The following CELF2 variants were observed in gnomAD, a reference collection of about 807,000 sequenced individuals.
CELF2 encodes the protein CUGBP Elav-like family member 2.
Under a neutral mutation model 62.6 loss-of-function variants are expected in CELF2, and 8 were observed. The observed-to-expected ratio is 0.13, with a 90% CI of 0.07 to 0.23. The LOEUF is 0.23. Among genes scored for constraint, CELF2 ranks in the 10% least tolerant of loss-of-function variants. CELF2 has a pLI of 1.00. For missense variants in CELF2, 333 were observed against 671.0 expected (o/e 0.50, Z 5.56); for synonymous variants, 258 against 250.0 (o/e 1.03, Z -0.30).
the CELF2 span, among the ~76,000 whole-genome samples, chr10:10,655,187 G>A: frequency 6.8e-6 from 1 of 147,088 alleles, no homozygotes; most frequent in East Asian, 1.9e-4. Flanking sequence ...TCTTCAAGGA[G>A]AACTACAAAC....
chr10:10,807,396 G>A (rs548337421), intron 1 of CELF2, among the ~76,000 whole-genome samples: 27 of 152,216 alleles, frequency 1.8e-4, no homozygotes, highest in African/African-American at 6.5e-4. Context: ...AATATGTCTG[G>A]TCATATCTGA....
chr10:10,933,408 CTG>C (rs1347106704), intron 2 of CELF2, among the ~76,000 whole-genome samples: 1 of 152,198 alleles, frequency 6.6e-6, no homozygotes, highest in African/African-American at 2.4e-5. Context: ...TTTAGCATAT[CTG>C]TCATCTCATA....
chr10:10,660,481 G>A, the CELF2 span, among the ~76,000 whole-genome samples: 1 of 152,146 alleles, frequency 6.6e-6, no homozygotes, highest in Admixed American at 6.5e-5. Context: ...ACTTTAGCAA[G>A]CTTTTCCTAG....
intron 1 of CELF2, among the ~76,000 whole-genome samples, chr10:11,084,165 C>T (rs2074785883): frequency 6.6e-6 from 1 of 152,160 alleles, no homozygotes; most frequent in African/African-American, 2.4e-5. Flanking sequence ...GGATGTAACC[C>T]CAAGAAGTAA....
the CELF2 span, among the ~76,000 whole-genome samples, chr10:10,552,587 C>T: frequency 1.6e-4 from 25 of 152,128 alleles, no homozygotes; most frequent in Non-Finnish European, 2.6e-4. Flanking sequence ...TTCATTCTGA[C>T]CTCAAGAGAA....
intron 9 of CELF2, among the ~76,000 whole-genome samples, chr10:11,307,649 A>G (rs1045464946): frequency 6.6e-6 from 1 of 152,196 alleles, no homozygotes; most frequent in South Asian, 2.1e-4. Flanking sequence ...AATGAAACAG[A>G]AGGTTGGGGA....
At chr10:11,133,558 C>T (rs968499655) in intron 1 of CELF2, among the ~76,000 whole-genome samples, 1 of 152,066 alleles carries the variant, frequency 6.6e-6, no homozygotes, top group Non-Finnish European at 1.5e-5. Flanking sequence ...TTACTAATGT[C>T]AGAACAAAAT....
chr10:10,791,669 T>C, the CELF2 span, among the ~76,000 whole-genome samples: 606 of 152,326 alleles, frequency 4.0e-3, 4 homozygotes, highest in African/African-American at 0.014. Context: ...TTTAAAAGTC[T>C]CTGTGAATTG....
the CELF2 span, among the ~76,000 whole-genome samples, chr10:10,709,098 A>G: frequency 6.6e-6 from 1 of 152,226 alleles, no homozygotes; most frequent in Non-Finnish European, 1.5e-5. Flanking sequence ...CCAAATGCCA[A>G]TTACAGGACA....
At chr10:10,571,206 C>G in the CELF2 span, among the ~76,000 whole-genome samples, 2 of 151,970 alleles carry the variant, frequency 1.3e-5, no homozygotes, top group Non-Finnish European at 2.9e-5. Flanking sequence ...AGCAAAATGA[C>G]AGAAAAGCAA....
intron 1 of CELF2, among the ~76,000 whole-genome samples, chr10:11,095,243 G>T (rs1327099257): frequency 6.6e-6 from 1 of 152,192 alleles, no homozygotes; most frequent in Non-Finnish European, 1.5e-5. Context: ...AGAGAAGCAT[G>T]CACATGTAAC....
rs189148617 is a variant in CELF2 at position 11,132,427 on chromosome 10, G to A, written c.75-33059G>A. Among the ~76,000 whole-genome samples, 279 of 152,302 alleles carry A rather than the reference G, an allele frequency of 1.8e-3. 2 individuals carry two copies. Among genetic ancestry groups the A allele is most frequent in the African/African-American group, 6.1e-3 (254 of 41,570 alleles). ...GAAATACGGACATATTTTCATCCCA[G>A]TGAAGGCTAAATTAGCTCAAGAGCA... On this transcript the variant is annotated intron_variant, in intron 1 of 12. Transcript: ENST00000633077.
At chr10:11,005,309 G>A (rs1316611746), upstream of CELF2, 20 of 1,609,934 alleles carry the variant, frequency 1.2e-5, no homozygotes, top group Admixed American at 6.7e-5. This position sits in a 1 kb window ranked among gnomAD's most constrained non-coding sequence, Gnocchi z 4.3. Context: ...GAGAGGGCGC[G>A]TTAGTGAGCA....
intron 3 of CELF2, among the ~76,000 whole-genome samples, chr10:11,232,273 A>G (rs1268084933): frequency 6.6e-6 from 1 of 151,874 alleles, no homozygotes; most frequent in African/African-American, 2.4e-5. Flanking sequence ...CTGTTGTTTC[A>G]GTATCTGATT....
chr10:11,271,192 C>T (rs2083655887), intron 7 of CELF2, among the ~76,000 whole-genome samples: 3 of 152,212 alleles, frequency 2.0e-5, no homozygotes, highest in African/African-American at 7.2e-5. Context: ...GTGAAATCTC[C>T]CAGAACTTCC....
chr10:11,033,059 G>T (rs892257062), intron 1 of CELF2, among the ~76,000 whole-genome samples: 1 of 152,204 alleles, frequency 6.6e-6, no homozygotes, highest in African/African-American at 2.4e-5. Flanking sequence ...GTAATACAGT[G>T]CATCGACAAG....
chr10:10,501,779 G>T, the CELF2 span, among the ~76,000 whole-genome samples: 2 of 152,096 alleles, frequency 1.3e-5, no homozygotes, highest in Non-Finnish European at 2.9e-5. Context: ...TTTACTTAAT[G>T]AACTGGCTAG....
At chr10:10,675,802 T>C in the CELF2 span, among the ~76,000 whole-genome samples, 2 of 152,208 alleles carry the variant, frequency 1.3e-5, no homozygotes, top group Non-Finnish European at 2.9e-5. Context: ...CTGTGGCATG[T>C]CTTTCAGCTT....
chr10:11,311,542 T>C lies in CELF2; in HGVS notation c.977-2597T>C, dbSNP rs1361171806. On this transcript the variant is annotated intron_variant, in intron 9 of 12. Transcript: ENST00000633077. The surrounding 1 kb of genome is among the most constrained non-coding windows in gnomAD (Gnocchi z 4.7). ...CATTATTAGACCTCAGATATTAGCA[T>C]TATTAGCATACAACAGAAAGGAAAT... 6.6e-6 allele frequency among the ~76,000 whole-genome samples: 1 copy of C among 152,170 alleles called. No homozygotes were observed. The highest frequency in any genetic ancestry group is 1.5e-5 in the Non-Finnish European group (1 of 68,032).
Sources: allele counts gnomAD v4.1 joint callset (sites outside exome capture counted in the v4.1 genomes callset), GRCh38; gene constraint gnomAD v4.1.1; non-coding constraint Gnocchi (gnomAD v3.1); transcripts MANE v1.5; gene names NCBI Gene and HGNC (gene_info 2026-07-23, HGNC 2026-07-21).